The following PLXNA4 variants were observed in gnomAD, a reference collection of about 807,000 sequenced individuals.
PLXNA4 encodes the protein plexin-A4.
Under a neutral mutation model 191.8 loss-of-function variants are expected in PLXNA4, and 44 were observed. The ratio of observed to expected loss-of-function variants is 0.23; its 90% confidence interval spans 0.18 to 0.29. The LOEUF is 0.29. Ranked by LOEUF, PLXNA4 falls within the 10% of genes least tolerant of loss-of-function variation. PLXNA4 has a pLI of 1.00. For missense variants in PLXNA4, 1,800 were observed against 2,488.8 expected (o/e 0.72, Z 5.89); for synonymous variants, 1,082 against 1,009.5 (o/e 1.07, Z -1.36).
chr7:132,444,609 C>T (rs1284030318), intron 3 of PLXNA4, among the ~76,000 whole-genome samples: 1 of 152,170 alleles, frequency 6.6e-6, no homozygotes, highest in African/African-American at 2.4e-5. Flanking sequence ...ATCTAATGAA[C>T]ATGTAAAGGG....
At chr7:132,235,470 G>A (rs973907521) in intron 5 of PLXNA4, among the ~76,000 whole-genome samples, 3 of 152,164 alleles carry the variant, frequency 2.0e-5, no homozygotes, top group African/African-American at 7.2e-5. Context: ...AAAAGAATAG[G>A]AGTGACTCTT....
intron 2 of PLXNA4, among the ~76,000 whole-genome samples, chr7:132,582,367 T>C (rs1313849583): frequency 1.3e-5 from 2 of 152,112 alleles, no homozygotes; most frequent in Non-Finnish European, 2.9e-5. Context: ...TGTAAGCTGT[T>C]CTAAGTGACT....
At chr7:132,464,446 AC>A (rs1192939650) in intron 3 of PLXNA4, among the ~76,000 whole-genome samples, 1 of 152,132 alleles carries the variant, frequency 6.6e-6, no homozygotes, top group Non-Finnish European at 1.5e-5. Flanking sequence ...CAGTTTTGTG[AC>A]CTTGCCTGAG....
At chr7:132,251,654 A>G (rs1210529603) in intron 4 of PLXNA4, among the ~76,000 whole-genome samples, 1 of 152,196 alleles carries the variant, frequency 6.6e-6, no homozygotes, top group Non-Finnish European at 1.5e-5. Context: ...CAAACCACAA[A>G]AAAACAGTGT....
chr7:132,209,354 T>C (rs1562922456), intron 10 of PLXNA4, among the ~76,000 whole-genome samples: 2 of 152,262 alleles, frequency 1.3e-5, no homozygotes, highest in African/African-American at 4.8e-5. Context: ...GAGTCAAATG[T>C]GAGACCCAGA....
Position 132,180,634 on chromosome 7 carries a change from G to A in PLXNA4, c.3591C>T (p.Val1197=). Residue 1197 remains valine, a synonymous_variant, in exon 19 of 32, where the codon GTC becomes GTT. Transcript: ENST00000321063. ...EKPCTVTVSD[V]QLLCESPNLI... ...GGTTGGGGGACTCGCAGAGCAGCTGGACATCTGACACGGTCACGGTGCACG... is the reference window on the plus strand; with the variant it reads ...GGTTGGGGGACTCGCAGAGCAGCTGAACATCTGACACGGTCACGGTGCACG... 1 of 1,614,190 alleles carries A rather than the reference G, an allele frequency of 6.2e-7. No homozygotes were observed. The highest frequency in any genetic ancestry group is 1.1e-5 in the South Asian group (1 of 91,078).
In PLXNA4 at chr7:132,298,178, C is replaced by T. The variant is rs202104493; in HGVS notation, c.1416G>A (p.Thr472=). ...GPRGNALQYE[T]VQVVDPGPVL... is the part of the protein sequence containing the mutation. The stretch of plus-strand genomic sequence containing the variant: ...CTGGGCCGGGGTCCACCACCTGCAC[C>T]GTCTCATACTGGAGGGCGTTGCCCC... Residue 472 remains threonine, a synonymous_variant, in exon 4 of 32, where the codon ACG becomes ACA. Transcript: ENST00000321063. The T allele has an allele frequency of 4.8e-5, 77 of 1,614,006 alleles. No homozygotes were observed. Among genetic ancestry groups the T allele is most frequent in the South Asian group, 2.6e-4 (24 of 91,080 alleles).
intron 3 of PLXNA4, chr7:132,385,112 G>T: frequency 6.3e-7 from 1 of 1,581,304 alleles, no homozygotes. Context: ...AGGTAGATGT[G>T]TCTCATCTGT....
chr7:132,527,539 C>CAAAAAAAAAAAAAA (rs34598256), intron 1 of PLXNA4, among the ~76,000 whole-genome samples: 2 of 59,716 alleles, frequency 3.3e-5, no homozygotes, highest in Non-Finnish European at 6.2e-5. Flanking sequence ...GAAACAGACT[C>CAAAAAAAAAAAAAA]AAAAAAAAAA....
At position 132,203,340 on chromosome 7, in the gene PLXNA4, T is replaced by C. The variant is rs779740218; in HGVS notation, c.2378A>G (p.Asn793Ser). ...TTCCACACCTTTATTCTGAGCTGGG[T>C]TGTCAATGTTGAAGTGCCCATTCCA... is the stretch of plus-strand genomic sequence containing the variant. ...VVWNGHFNID[N>S]PAQNKVHLYK... is the part of the protein sequence containing the mutation. The change falls in exon 11 of 32, where the codon AAC becomes AGC. Residue 793 changes from asparagine (N) to serine (S), a missense_variant. Physicochemically the swap from Asn to Ser is conservative, Grantham distance 46. Transcript: ENST00000321063. The C allele has an allele frequency of 5.2e-5, 83 of 1,611,120 alleles. No homozygotes were observed. In the South Asian group the frequency reaches 8.7e-4, roughly 17 times the overall value.
At chr7:132,477,959 A>G (rs1485822535) in intron 3 of PLXNA4, among the ~76,000 whole-genome samples, 1 of 152,234 alleles carries the variant, frequency 6.6e-6, no homozygotes, top group Non-Finnish European at 1.5e-5. Context: ...AAAGAGATTC[A>G]TTAGTTTCCT....
rs577633670 is a variant in PLXNA4 at position 132,475,178 on chromosome 7, G to T, written c.1371+14114C>A. 2.6e-5 allele frequency among the ~76,000 whole-genome samples: 4 copies of T among 152,286 alleles called. No individual in the cohort carries two copies. The East Asian group carries it at 7.7e-4, about 29-fold the overall frequency. Reference sequence around the variant, plus strand: ...ACACCTGGGCATGAAGATTGCAGGAGTCCTAGGAGCAGTAGTGGGAGGCAG... The same window carrying T: ...ACACCTGGGCATGAAGATTGCAGGATTCCTAGGAGCAGTAGTGGGAGGCAG... On this transcript the variant is annotated intron_variant, in intron 3 of 31. Transcript: ENST00000321063.
chr7:132,523,880 G>A (rs1379620434), intron 1 of PLXNA4, among the ~76,000 whole-genome samples: 4 of 152,160 alleles, frequency 2.6e-5, no homozygotes, highest in South Asian at 4.1e-4. Flanking sequence ...AATCAGGGCA[G>A]TGGAGCAGAG....
chr7:132,213,935 A>G (rs1460890983), intron 9 of PLXNA4, among the ~76,000 whole-genome samples: 1 of 152,182 alleles, frequency 6.6e-6, no homozygotes, highest in Non-Finnish European at 1.5e-5. Flanking sequence ...GGGTATGGGA[A>G]TCTCAGAATC....
At chr7:132,236,437 CT>C (rs1264836526) in intron 5 of PLXNA4, among the ~76,000 whole-genome samples, 1 of 152,196 alleles carries the variant, frequency 6.6e-6, no homozygotes, top group African/African-American at 2.4e-5. Context: ...TCAAGGAACT[CT>C]TTTCCTGCCG....
intron 1 of PLXNA4, among the ~76,000 whole-genome samples, chr7:132,570,740 T>G (rs1585368635): frequency 6.6e-6 from 1 of 152,356 alleles, no homozygotes; most frequent in Non-Finnish European, 1.5e-5. Flanking sequence ...GAGACTATCC[T>G]CTTAGCTAGT....
At chr7:132,285,013 C>G (rs1800630455) in intron 4 of PLXNA4, among the ~76,000 whole-genome samples, 1 of 152,132 alleles carries the variant, frequency 6.6e-6, no homozygotes, top group Admixed American at 6.5e-5. Context: ...CCACACCTGG[C>G]ATAGGTGGAT....
At chr7:132,522,297 C>T (rs949677512) in intron 1 of PLXNA4, among the ~76,000 whole-genome samples, 1 of 152,222 alleles carries the variant, frequency 6.6e-6, no homozygotes, top group Non-Finnish European at 1.5e-5. Flanking sequence ...CTCTAAGCTC[C>T]TTCATAGGCA....
intron 3 of PLXNA4, among the ~76,000 whole-genome samples, chr7:132,385,781 C>T (rs949560263): frequency 6.6e-6 from 1 of 152,232 alleles, no homozygotes; most frequent in African/African-American, 2.4e-5. Flanking sequence ...GTGACAAGTC[C>T]TCCTGTGGCC....
Sources: gnomAD v4.1 joint callset for allele counts (sites outside exome capture counted in the v4.1 genomes callset) on GRCh38, gnomAD v4.1.1 for gene constraint, MANE v1.5 for transcripts, NCBI Gene and HGNC (gene_info 2026-07-23, HGNC 2026-07-21) for gene names.